Variants in SGCZ observed in about 807,000 individuals in gnomAD.
The protein encoded by SGCZ is sarcoglycan zeta, also known as zeta-sarcoglycan.
SGCZ carries 40 observed loss-of-function variants against 41.3 expected under a neutral mutation model. The ratio of observed to expected loss-of-function variants is 0.97; its 90% CI spans 0.75 to 1.26. The LOEUF is 1.26. Among genes scored for constraint, SGCZ ranks in the 50% most tolerant of loss-of-function variants. The pLI, the probability that SGCZ is intolerant of heterozygous loss-of-function variation, is 0.00. For missense variants in SGCZ, 552 were observed against 369.8 expected (o/e 1.49, Z -4.04); for synonymous variants, 206 against 137.5 (o/e 1.50, Z -3.49).
intron 1 of SGCZ, among the ~76,000 whole-genome samples, chr8:14,917,315 AT>A (rs11311305): frequency 0.9 from 137,125 of 151,950 alleles, 62,084 homozygotes; most frequent in East Asian, 1. Context: ...TAAGCAAGAG[AT>A]TTTTTTTGCA....
At chr8:14,590,573 A>T (rs1389141615) in intron 1 of SGCZ, among the ~76,000 whole-genome samples, 1 of 150,698 alleles carries the variant, frequency 6.6e-6, no homozygotes, top group African/African-American at 2.4e-5. Flanking sequence ...TTATAATTCA[A>T]ATAGTGGACT....
intron 5 of SGCZ, among the ~76,000 whole-genome samples, chr8:14,137,226 C>G (rs903257826): frequency 3.9e-5 from 6 of 152,162 alleles, no homozygotes; most frequent in African/African-American, 4.8e-5. Context: ...TGGGGAGAAA[C>G]CAGAGCAGAA....
chr8:15,109,298 A>T (rs1397803719), intron 1 of SGCZ, among the ~76,000 whole-genome samples: 5 of 152,162 alleles, frequency 3.3e-5, no homozygotes, highest in African/African-American at 1.2e-4. Flanking sequence ...CATGACATAT[A>T]ATTCATAAGC....
intron 3 of SGCZ, among the ~76,000 whole-genome samples, chr8:14,263,152 C>G (rs1277320095): frequency 6.6e-6 from 1 of 152,020 alleles, no homozygotes; most frequent in Non-Finnish European, 1.5e-5. Context: ...AAAAATAAAG[C>G]AATTCAAAAC....
intron 1 of SGCZ, among the ~76,000 whole-genome samples, chr8:14,824,922 C>G (rs1437591980): frequency 6.6e-6 from 1 of 152,024 alleles, no homozygotes; most frequent in Non-Finnish European, 1.5e-5. Flanking sequence ...TGTCAACATT[C>G]TAAATTTCTT....
At chr8:14,247,496 G>A (rs1287650180) in intron 3 of SGCZ, among the ~76,000 whole-genome samples, 2 of 152,254 alleles carry the variant, frequency 1.3e-5, no homozygotes, top group Admixed American at 1.3e-4. Flanking sequence ...CCATGGGTGG[G>A]CTTAGGAAAC....
At chr8:14,559,932 C>A (rs562587868) in intron 1 of SGCZ, among the ~76,000 whole-genome samples, 2 of 151,932 alleles carry the variant, frequency 1.3e-5, no homozygotes, top group East Asian at 1.9e-4. Flanking sequence ...GATGTGAAAC[C>A]CATTATGTTA....
intron 1 of SGCZ, among the ~76,000 whole-genome samples, chr8:15,012,717 AAG>A (rs1393785478): frequency 2.1e-5 from 3 of 144,698 alleles, no homozygotes; most frequent in African/African-American, 7.6e-5. Context: ...AAATGTTATA[AAG>A]AGAAATATAT....
intron 1 of SGCZ, among the ~76,000 whole-genome samples, chr8:14,573,980 G>A (rs1480189406): frequency 2.0e-5 from 3 of 152,106 alleles, no homozygotes; most frequent in African/African-American, 7.2e-5. Flanking sequence ...ATACACTACA[G>A]GGAGGGCTAG....
chr8:14,835,669 A>C (rs897223116), intron 1 of SGCZ, among the ~76,000 whole-genome samples: 2 of 152,184 alleles, frequency 1.3e-5, no homozygotes, highest in Admixed American at 1.3e-4. Flanking sequence ...ATCATTACTT[A>C]TGTTTGCTGC....
chr8:14,267,199 G>C (rs1221039842), intron 3 of SGCZ, among the ~76,000 whole-genome samples: 1 of 151,688 alleles, frequency 6.6e-6, no homozygotes, highest in Non-Finnish European at 1.5e-5. Flanking sequence ...TAATATCCTT[G>C]ACAATATGCA....
chr8:15,036,392 G>A (rs2130968066), intron 1 of SGCZ, among the ~76,000 whole-genome samples: 1 of 152,138 alleles, frequency 6.6e-6, no homozygotes, highest in Admixed American at 6.5e-5. Flanking sequence ...AACACACAGT[G>A]GGGCCTATTG....
At chr8:14,456,526 A>G (rs756643324) in intron 2 of SGCZ, among the ~76,000 whole-genome samples, 5 of 152,202 alleles carry the variant, frequency 3.3e-5, no homozygotes, top group Admixed American at 1.3e-4. Context: ...TTAGGAAAAC[A>G]TGCATGTATC....
intron 1 of SGCZ, among the ~76,000 whole-genome samples, chr8:14,623,172 G>C (rs1176737419): frequency 6.6e-6 from 1 of 152,206 alleles, no homozygotes. Context: ...ACATCGGAAG[G>C]CATAATAACG....
At chr8:14,780,092 G>C (rs547006568) in intron 1 of SGCZ, among the ~76,000 whole-genome samples, 8 of 152,082 alleles carry the variant, frequency 5.3e-5, no homozygotes, top group South Asian at 2.1e-4. Flanking sequence ...AGAAAAATAC[G>C]GCCGGGCGCA....
At chr8:14,216,103 C>G (rs1401048652) in intron 4 of SGCZ, among the ~76,000 whole-genome samples, 4 of 152,346 alleles carry the variant, frequency 2.6e-5, no homozygotes, top group Admixed American at 2.6e-4. Flanking sequence ...AACATGATCG[C>G]CCTCCCCTGA....
chr8:14,160,294 A>G (rs1219298644), intron 5 of SGCZ, among the ~76,000 whole-genome samples: 1 of 152,198 alleles, frequency 6.6e-6, no homozygotes, highest in Non-Finnish European at 1.5e-5. Context: ...TTTGTTTTCT[A>G]AAGTTAATAT....
intron 7 of SGCZ, among the ~76,000 whole-genome samples, chr8:14,094,217 T>C (rs1170906102): frequency 6.6e-6 from 1 of 152,110 alleles, no homozygotes; most frequent in Non-Finnish European, 1.5e-5. Context: ...TAGGTATTCA[T>C]GTGCCATGGT....
In SGCZ at chr8:14,365,807, A is replaced by G. The variant is rs536955785; in HGVS notation, c.235-41603T>C. ...TTATTTAAATGTCAAATTTATTGGG[A>G]TAAGGCTGTTAATAAAATCATATTA... On this transcript the variant is annotated intron_variant, in intron 2 of 7. Coordinates refer to ENST00000382080, the MANE Select transcript of SGCZ (RefSeq NM_139167.4). Among the ~76,000 whole-genome samples the G allele has an allele frequency of 3.3e-5, 5 of 152,184 alleles. No homozygotes were observed. In the South Asian group the frequency reaches 1.0e-3, roughly 32 times the overall value.
Sources: allele counts gnomAD v4.1 joint callset (sites outside exome capture counted in the v4.1 genomes callset), GRCh38; gene constraint gnomAD v4.1.1; transcripts MANE v1.5; gene names NCBI Gene and HGNC (gene_info 2026-07-23, HGNC 2026-07-21).